Variants in ANO2 observed in about 807,000 individuals in gnomAD.
ANO2 encodes anoctamin 2.
Under a neutral mutation model 124.2 loss-of-function variants are expected in ANO2, and 101 were observed. That is an observed-to-expected ratio of 0.81 (90% CI 0.69 to 0.96). The LOEUF is 0.96. Ranked by LOEUF, ANO2 falls within the 40% of genes least tolerant of loss-of-function variation. The pLI, the probability that ANO2 is intolerant of heterozygous loss-of-function variation, is 0.00. For missense variants in ANO2, 1,293 were observed against 1,274.5 expected (o/e 1.01, Z -0.22); for synonymous variants, 486 against 482.5 (o/e 1.01, Z -0.09).
chr12:5,932,183 G>A (rs1459127154), intron 1 of ANO2, among the ~76,000 whole-genome samples: 4 of 135,548 alleles, frequency 3.0e-5, no homozygotes, highest in African/African-American at 1.2e-4. Context: ...AAAGAAGACA[G>A]AAAAGGAAGG....
At position 5,769,562 on chromosome 12, in the gene ANO2, G is replaced by A. The variant is rs1952008738; in HGVS notation, c.1056-18592C>T. On this transcript the variant is annotated intron_variant, in intron 10 of 24. Transcript: ENST00000682330. The surrounding 1 kb of genome is among the most constrained non-coding windows in gnomAD (Gnocchi z 4.0). ...CACAGCATTGGCAGAATCCTCATCT[G>A]AATCCAAGAGAAACGGTAAAGGCAA... Among the ~76,000 whole-genome samples, 1 of 152,192 alleles carries A rather than the reference G, an allele frequency of 6.6e-6. No individual in the cohort carries two copies. The highest frequency in any genetic ancestry group is 1.5e-5 in the Non-Finnish European group (1 of 68,040).
chr12:5,880,408 A>T (rs1222197675), intron 3 of ANO2, among the ~76,000 whole-genome samples: 1 of 151,052 alleles, frequency 6.6e-6, no homozygotes, highest in African/African-American at 2.4e-5. Flanking sequence ...AAGTGTGTGT[A>T]AGAAGAGCAA....
chr12:5,868,109 T>C (rs556143209), intron 3 of ANO2, among the ~76,000 whole-genome samples: 5 of 152,312 alleles, frequency 3.3e-5, no homozygotes, highest in Non-Finnish European at 2.9e-5. Flanking sequence ...AAGGGACAGA[T>C]ACCCCATTGT....
At chr12:5,804,604 G>C (rs1461667266) in intron 9 of ANO2, among the ~76,000 whole-genome samples, 1 of 152,176 alleles carries the variant, frequency 6.6e-6, no homozygotes, top group Non-Finnish European at 1.5e-5. Flanking sequence ...CTACCAGGTG[G>C]AGTGGACCCT....
chr12:5,576,526 T>C (rs1206667966), intron 22 of ANO2, among the ~76,000 whole-genome samples: 1 of 152,222 alleles, frequency 6.6e-6, no homozygotes, highest in East Asian at 1.9e-4. Context: ...TTTTAGCATG[T>C]CATGTAATAG....
At chr12:5,802,795 C>T (rs1467090164) in intron 9 of ANO2, among the ~76,000 whole-genome samples, 1 of 152,190 alleles carries the variant, frequency 6.6e-6, no homozygotes, top group Non-Finnish European at 1.5e-5. Flanking sequence ...GCAAATAAAC[C>T]AGGGAGAGAC....
chr12:5,893,455 T>C (rs1939542896), intron 3 of ANO2, among the ~76,000 whole-genome samples: 1 of 151,726 alleles, frequency 6.6e-6, no homozygotes, highest in Non-Finnish European at 1.5e-5. Context: ...ATTTCTTTTC[T>C]TTATTTTGTA....
chr12:5,752,229 T>C (rs1212544107), intron 10 of ANO2, among the ~76,000 whole-genome samples: 1 of 152,192 alleles, frequency 6.6e-6, no homozygotes, highest in African/African-American at 2.4e-5. Context: ...CCTTAAGATA[T>C]ACATCCAAAA....
chr12:5,772,620 T>C (rs1952116351), intron 10 of ANO2, among the ~76,000 whole-genome samples: 1 of 152,246 alleles, frequency 6.6e-6, no homozygotes, highest in Non-Finnish European at 1.5e-5. Context: ...AAAAATGTAT[T>C]TGTTGGAACA....
chr12:5,624,848 A>C (rs1378859694), intron 16 of ANO2, among the ~76,000 whole-genome samples: 2 of 152,158 alleles, frequency 1.3e-5, no homozygotes, highest in African/African-American at 4.8e-5. Flanking sequence ...TTTTGGTCAG[A>C]GTGGTCAGGA....
intron 14 of ANO2, among the ~76,000 whole-genome samples, chr12:5,682,501 C>A (rs995510): frequency 0.37 from 56,485 of 151,870 alleles, 12,220 homozygotes; most frequent in East Asian, 0.59. Flanking sequence ...AAGAACTGTG[C>A]TTATGGCAGT....
intron 14 of ANO2, among the ~76,000 whole-genome samples, chr12:5,709,626 C>T (rs1949736660): frequency 6.6e-6 from 1 of 152,210 alleles, no homozygotes; most frequent in Admixed American, 6.5e-5. Context: ...ATCCTCGCCC[C>T]TTAGGCTTCC....
intron 10 of ANO2, among the ~76,000 whole-genome samples, chr12:5,783,565 T>C (rs1403004252): frequency 6.6e-6 from 1 of 152,224 alleles, no homozygotes; most frequent in Admixed American, 6.5e-5. Context: ...CATGAGCACT[T>C]TGTATAAACA....
intron 14 of ANO2, among the ~76,000 whole-genome samples, chr12:5,689,952 T>C (rs1277465338): frequency 2.0e-5 from 3 of 152,186 alleles, no homozygotes; most frequent in African/African-American, 4.8e-5. Flanking sequence ...CAAACTCCTA[T>C]AGTGACTGCC....
At chr12:5,805,963 G>C (rs531315964) in intron 9 of ANO2, 89 bp downstream of exon 9, 1 of 1,304,528 alleles carries the variant, frequency 7.7e-7, no homozygotes, top group South Asian at 1.3e-5. Flanking sequence ...AGCAGGTAAA[G>C]AGAACATCTA....
chr12:5,828,129 A>C (rs1954040854), intron 6 of ANO2, among the ~76,000 whole-genome samples: 1 of 152,088 alleles, frequency 6.6e-6, no homozygotes, highest in Non-Finnish European at 1.5e-5. Context: ...AGAGGAGCCC[A>C]CCCCAGACCA....
chr12:5,924,565 A>G (rs995039976), intron 1 of ANO2, among the ~76,000 whole-genome samples: 6 of 152,352 alleles, frequency 3.9e-5, no homozygotes, highest in African/African-American at 1.4e-4. Flanking sequence ...TCAGGACCCC[A>G]TATCACTCTG....
intron 7 of ANO2, among the ~76,000 whole-genome samples, chr12:5,818,470 TA>T (rs1953683110): frequency 1.2e-5 from 1 of 82,858 alleles, no homozygotes; most frequent in Non-Finnish European, 2.1e-5. Flanking sequence ...TATATATATA[TA>T]TATATATATA....
intron 14 of ANO2, among the ~76,000 whole-genome samples, chr12:5,706,073 A>G (rs1949597900): frequency 1.3e-5 from 2 of 152,178 alleles, no homozygotes; most frequent in East Asian, 1.9e-4. Context: ...GAGAAAGTGC[A>G]TTGTACGCTG....
Sources: gnomAD v4.1 joint callset for allele counts (sites outside exome capture counted in the v4.1 genomes callset) on GRCh38, gnomAD v4.1.1 for gene constraint, Gnocchi (gnomAD v3.1) non-coding constraint, MANE v1.5 for transcripts, NCBI Gene and HGNC (gene_info 2026-07-23, HGNC 2026-07-21) for gene names.